The following NCKAP5L variants were observed in gnomAD, a reference collection of about 807,000 sequenced individuals.
NCKAP5L encodes nck-associated protein 5-like.
In NCKAP5L, 54 loss-of-function variants were observed where a neutral mutation model predicts 103.2. The observed-to-expected ratio is 0.52, with a 90% CI of 0.42 to 0.66. The LOEUF (loss-of-function observed/expected upper bound fraction) is 0.66. Among genes scored for constraint, NCKAP5L ranks in the 30% least tolerant of loss-of-function variants. The pLI, the probability that NCKAP5L is intolerant of heterozygous loss-of-function variation, is 0.00. For synonymous variants in NCKAP5L, 762 were observed against 748.6 expected (o/e 1.02, Z -0.29); for missense variants, 1,733 against 1,750.6 (o/e 0.99, Z 0.18).
At position 49,791,786 on chromosome 12, in the gene NCKAP5L, C is replaced by A; in HGVS notation, c.*53G>T. Reference sequence around the variant, plus strand: ...TCCGGGGGCTGGGCATGAAGAGAGCCGGTCCAGTCTGTGGTCCCCAGCTCC... The same window carrying A: ...TCCGGGGGCTGGGCATGAAGAGAGCAGGTCCAGTCTGTGGTCCCCAGCTCC... On this transcript the variant is annotated 3_prime_UTR_variant, in exon 13 of 13. Transcript: ENST00000335999. The A allele has an allele frequency of 6.9e-7, 1 of 1,443,354 alleles. No individual in the cohort carries two copies. Among genetic ancestry groups the A allele is most frequent in the African/African-American group, 1.4e-5 (1 of 70,514 alleles). The allele number at this position is 1,443,354 out of a possible 1,614,324, so 89.4% of individuals were successfully genotyped here.
rs1400561156 is a variant in NCKAP5L at position 49,803,143 on chromosome 12, T to C, written c.146A>G (p.Gln49Arg). The change falls in exon 4 of 13, where the codon CAG (glutamine) becomes CGG (arginine). Residue 49 changes from glutamine (Q) to arginine (R), a missense_variant. By Grantham distance (43) the Gln-to-Arg change is conservative. Transcript: ENST00000335999. The stretch of plus-strand genomic sequence containing the variant: ...AGTCTCCCGCTGGTTTTCGTTGGCC[T>C]GGGCAAGTGCCGAGTTCTCTGCCTG... ...ELEAENSALA[Q>R]ANENQRETYE... The C allele has an allele frequency of 6.2e-7, 1 of 1,614,162 alleles. No individual in the cohort carries two copies. Among genetic ancestry groups the C allele is most frequent in the Admixed American group, 1.7e-5 (1 of 60,028 alleles).
chr12:49,816,798 T>C lies in NCKAP5L; in HGVS notation c.-98-10757A>G, dbSNP rs866375448. ...GGTGACAGAGTGAGAGTCTGTCTCA[T>C]AAAAAAAAAAAAAAAGTTCTCAACC... On this transcript the variant is annotated intron_variant, in intron 1 of 12. Coordinates refer to ENST00000335999, the MANE Select transcript of NCKAP5L (RefSeq NM_001037806.4). 2.2e-5 allele frequency among the ~76,000 whole-genome samples: 3 copies of C among 138,158 alleles called. No individual in the cohort carries two copies. In the East Asian group the frequency reaches 6.3e-4, roughly 29 times the overall value. The allele number at this position is 138,158 out of a possible 152,430, so 90.6% of individuals were successfully genotyped here. A position where few individuals can be genotyped will look rare whatever the true frequency, so the allele number is the denominator to read the frequency against.
intron 1 of NCKAP5L, among the ~76,000 whole-genome samples, chr12:49,827,315 A>G (rs952070246): frequency 3.3e-5 from 5 of 152,238 alleles, no homozygotes; most frequent in Non-Finnish European, 5.9e-5. Context: ...CTCTACAGCC[A>G]GAGAACTCCT....
At chr12:49,824,684 C>T (rs1177293271) in intron 1 of NCKAP5L, among the ~76,000 whole-genome samples, 1 of 152,228 alleles carries the variant, frequency 6.6e-6, no homozygotes, top group Admixed American at 6.5e-5. Context: ...TATGCAGGTC[C>T]ATCCACGGCC....
chr12:49,792,295 G>T lies in NCKAP5L; in HGVS notation c.3792+151C>A. On this transcript the variant is annotated intron_variant, in intron 12 of 12. Transcript: ENST00000335999. This position sits in a 1 kb window ranked among gnomAD's most constrained non-coding sequence, Gnocchi z 4.5. ...TGCAAGGAGGGCAGTGGGGAGGGCC[G>T]CTCACAGGGCATCCCAGGGGTCCTC... is the stretch of plus-strand genomic sequence containing the variant. 6.8e-7 allele frequency: 1 copy of T among 1,472,210 alleles called. No individual in the cohort carries two copies. The highest frequency in any genetic ancestry group is 1.2e-5 in the South Asian group (1 of 81,952). The allele number at this position is 1,472,210 out of a possible 1,614,324, so 91.2% of individuals were successfully genotyped here. A position where few individuals can be genotyped will look rare whatever the true frequency, so the allele number is the denominator to read the frequency against.
Position 49,791,973 on chromosome 12 carries a change from T to TACCCCCGAAAGGTGGGCC in NCKAP5L, c.3853_3870dup (p.Gly1285_Gly1290dup), listed in dbSNP as rs1945942195. ...ATGTCCGAAGTGCTGGGGGTGCGGC[T>TACCCCCGAAAGGTGGGCC]ACCCCCGAAAGGTGGGCCCTGGGGC... On this transcript the variant is annotated inframe_insertion, in exon 13 of 13. Coordinates refer to ENST00000335999, the MANE Select transcript of NCKAP5L (RefSeq NM_001037806.4). 2 of 1,609,222 alleles carry TACCCCCGAAAGGTGGGCC rather than the reference T, an allele frequency of 1.2e-6. No individual in the cohort carries two copies. Among genetic ancestry groups the TACCCCCGAAAGGTGGGCC allele is most frequent in the Admixed American group, 3.4e-5 (2 of 59,604 alleles).
rs1399984565 is a variant in NCKAP5L at position 49,797,239 on chromosome 12, T to C, written c.621A>G (p.Ser207=). The change falls in exon 8 of 13, where the codon TCA becomes TCG. Residue 207 remains serine (S), a synonymous_variant. Transcript: ENST00000335999. The surrounding 1 kb of genome is among the most constrained non-coding windows in gnomAD (Gnocchi z 4.5). ...CTGGAGGCCGCCAGGGGGTGGCAGG[T>C]GAGCAGAGAAGCAAGGGGTCAGTCT... ...LEETDPLLLC[S]PATPWRPPGQ... 6.2e-7 allele frequency: 1 copy of C among 1,613,288 alleles called. No homozygotes were observed. Among genetic ancestry groups the C allele is most frequent in the Admixed American group, 1.7e-5 (1 of 60,002 alleles).
rs746109839 is a variant in NCKAP5L, at chr12:49,798,243, C to T, written c.465+107G>A. 1.9e-3 allele frequency: 2,052 copies of T among 1,082,020 alleles called. 8 individuals are homozygous for T. Among genetic ancestry groups the T allele is most frequent in the Non-Finnish European group, 2.6e-3 (1,882 of 721,828 alleles). 67.0% of individuals were successfully genotyped at this position (1,082,020 alleles called of 1,614,324 possible). On this transcript the variant is annotated intron_variant, in intron 7 of 12. Coordinates refer to ENST00000335999, the MANE Select transcript of NCKAP5L (RefSeq NM_001037806.4). ...CTGCTTTTTTTGGCATTCGGCTGCT[C>T]ACACTTCCAGCCTGGACAAACGTCT...
intron 1 of NCKAP5L, among the ~76,000 whole-genome samples, chr12:49,827,814 C>A (rs1043724105): frequency 6.6e-6 from 1 of 152,200 alleles, no homozygotes; most frequent in African/African-American, 2.4e-5. Flanking sequence ...CAGGCCCTAC[C>A]GCCCCAGGCC....
Position 49,803,142 on chromosome 12 carries a change from C to T in NCKAP5L, c.147G>A (p.Gln49=), listed in dbSNP as rs779076712. The part of the protein sequence containing the change: ...ELEAENSALA[Q]ANENQRETYE... ...AAGTCTCCCGCTGGTTTTCGTTGGC[C>T]TGGGCAAGTGCCGAGTTCTCTGCCT... The change falls in exon 4 of 13, where the codon CAG becomes CAA. Residue 49 remains glutamine (Q), a synonymous_variant. Coordinates refer to ENST00000335999, the MANE Select transcript of NCKAP5L (RefSeq NM_001037806.4). The T allele has an allele frequency of 6.2e-7, 1 of 1,614,214 alleles. No individual in the cohort carries two copies. The highest frequency in any genetic ancestry group is 1.1e-5 in the South Asian group (1 of 91,088).
intron 9 of NCKAP5L, 113 bp from the exon 10 acceptor site, chr12:49,793,546 G>A: frequency 7.8e-7 from 1 of 1,280,076 alleles, no homozygotes; most frequent in Admixed American, 2.2e-5. Context: ...GAGGATTAGG[G>A]CCCAGGAGTA....
At chr12:49,814,266 C>A (rs966573791) in intron 1 of NCKAP5L, among the ~76,000 whole-genome samples, 1 of 150,164 alleles carries the variant, frequency 6.7e-6, no homozygotes, top group African/African-American at 2.4e-5. Flanking sequence ...GGGCGGATCA[C>A]GAGGTCAGAA....
chr12:49,821,637 A>G (rs1946363172), intron 1 of NCKAP5L, among the ~76,000 whole-genome samples: 1 of 152,248 alleles, frequency 6.6e-6, no homozygotes, highest in Non-Finnish European at 1.5e-5. Context: ...ACTTGCTCTT[A>G]TAGCACATGT....
chr12:49,815,894 C>A (rs1946290169), intron 1 of NCKAP5L, among the ~76,000 whole-genome samples: 1 of 152,234 alleles, frequency 6.6e-6, no homozygotes, highest in East Asian at 1.9e-4. Flanking sequence ...ACCATAGCAA[C>A]CTTCTAAAAC....
At chr12:49,825,505 C>T (rs888458484) in intron 1 of NCKAP5L, among the ~76,000 whole-genome samples, 1 of 152,220 alleles carries the variant, frequency 6.6e-6, no homozygotes, top group Non-Finnish European at 1.5e-5. Context: ...TCTAACGGGG[C>T]CTCTGGCTGG....
chr12:49,795,938 G>T lies in NCKAP5L; in HGVS notation c.1922C>A (p.Ser641Ter). 6.5e-7 allele frequency: 1 copy of T among 1,528,960 alleles called. No individual in the cohort carries two copies. Among genetic ancestry groups the T allele is most frequent in the Non-Finnish European group, 8.7e-7 (1 of 1,145,128 alleles). The allele number at this position is 1,528,960 out of a possible 1,614,324, so 94.7% of individuals were successfully genotyped here. A position where few individuals can be genotyped will look rare whatever the true frequency, so the allele number is the denominator to read the frequency against. ...PHPGRRTPGN[S>*]SKKPSQGSGR... ...TGACCCCTGGCTGGGCTTCTTGGAT[G>T]AGTTGCCTGGGGTCCTGCGGCCGGG... Residue 641 changes from serine to a stop codon, truncating the protein, a stop_gained, in exon 8 of 13, where the codon TCA becomes TAA. Coordinates refer to ENST00000335999, the MANE Select transcript of NCKAP5L (RefSeq NM_001037806.4). LOFTEE classifies it high-confidence loss of function.
Position 49,791,620 on chromosome 12 carries a change from G to C in NCKAP5L, c.*219C>G. The C allele has an allele frequency of 4.4e-6, 2 of 455,724 alleles. No homozygotes were observed. The highest frequency in any genetic ancestry group is 7.7e-6 in the Non-Finnish European group (2 of 258,396). The allele number at this position is 455,724 out of a possible 1,614,324, so 28.2% of individuals were successfully genotyped here. A position where few individuals can be genotyped will look rare whatever the true frequency, so the allele number is the denominator to read the frequency against. On this transcript the variant is annotated 3_prime_UTR_variant, in exon 13 of 13. Coordinates refer to ENST00000335999, the MANE Select transcript of NCKAP5L (RefSeq NM_001037806.4). ...AGAGCCTTACTCTGGGTGAGAGAAG[G>C]GACCAAGGGCGGGGTCTCTCCCTGA...
In NCKAP5L at chr12:49,796,708, AC is replaced by A. The variant is rs34210566; in HGVS notation, c.1151del (p.Gly384ValfsTer47). On this transcript the variant is annotated frameshift_variant, in exon 8 of 13. Coordinates refer to ENST00000335999, the MANE Select transcript of NCKAP5L (RefSeq NM_001037806.4). LOFTEE classifies it high-confidence loss of function. ...KGLPKSAWGGGTPEAHRPGFG... is the reference protein window; with the variant it reads ...KGLPKSAWGGXTPEAHRPGFG... ...AGCCTGGCCTGTGGGCCTCTGGGGTACCCCCACCCCAAGCTGACTTGGGGAG... is the reference window on the plus strand; with the variant it reads ...AGCCTGGCCTGTGGGCCTCTGGGGTACCCCACCCCAAGCTGACTTGGGGAG... 6.2e-7 allele frequency: 1 copy of A among 1,601,462 alleles called. No individual in the cohort carries two copies. The highest frequency in any genetic ancestry group is 8.5e-7 in the Non-Finnish European group (1 of 1,174,308).
chr12:49,807,091 C>T (rs1402943216), intron 1 of NCKAP5L, among the ~76,000 whole-genome samples: 4 of 152,156 alleles, frequency 2.6e-5, no homozygotes, highest in African/African-American at 9.7e-5. Context: ...CTGCTCTGCC[C>T]ACCCTGCCCT....
Sources: allele counts gnomAD v4.1 joint callset (sites outside exome capture counted in the v4.1 genomes callset), GRCh38; gene constraint gnomAD v4.1.1; non-coding constraint Gnocchi (gnomAD v3.1); transcripts MANE v1.5; gene names NCBI Gene and HGNC (gene_info 2026-07-23, HGNC 2026-07-21).